DLEU7: variants seen among roughly 807,000 people sequenced by gnomAD.
DLEU7 encodes the protein leukemia-associated protein 7.
DLEU7 carries 17 observed loss-of-function variants against 16.0 expected under a neutral mutation model. The observed-to-expected ratio is 1.06, with a 90% CI of 0.73 to 1.59. The LOEUF (loss-of-function observed/expected upper bound fraction) is 1.59, where lower values mean the gene tolerates loss of function less well. DLEU7 is among the 40% of genes most tolerant of loss of function. The probability of loss-of-function intolerance (pLI) is 0.00; values close to 1 mark genes in which losing one functional copy is unlikely to be tolerated. For synonymous variants in DLEU7, 113 were observed against 139.8 expected, an observed-to-expected ratio of 0.81 and a Z score of 1.35; for missense variants, 308 against 314.9, an observed-to-expected ratio of 0.98 and a Z score of 0.17.
chr13:50,761,837 C>A (rs978313218), intron 1 of DLEU7, among the ~76,000 whole-genome samples: 3 of 152,240 alleles, frequency 2.0e-5, no homozygotes, highest in Non-Finnish European at 2.9e-5. Context: ...ACCTGTTATT[C>A]TAATAGGCAA....
intron 1 of DLEU7, among the ~76,000 whole-genome samples, chr13:50,796,049 T>C (rs1466488433): frequency 6.7e-6 from 1 of 149,542 alleles, no homozygotes; most frequent in East Asian, 2.0e-4. Flanking sequence ...CCCTTTTTTC[T>C]CAGCATACCA....
intron 1 of DLEU7, among the ~76,000 whole-genome samples, chr13:50,769,431 T>C (rs767868137): frequency 3.9e-5 from 6 of 152,346 alleles, no homozygotes; most frequent in Non-Finnish European, 8.8e-5. Flanking sequence ...GTCTAACACT[T>C]AAGTCTTTAA....
intron 1 of DLEU7, among the ~76,000 whole-genome samples, chr13:50,723,733 C>G (rs1873685407): frequency 6.6e-6 from 1 of 152,028 alleles, no homozygotes; most frequent in Non-Finnish European, 1.5e-5. Flanking sequence ...ATTTATCTCC[C>G]AAAGGCCCCA....
chr13:50,788,331 G>T (rs1006728530), intron 1 of DLEU7, among the ~76,000 whole-genome samples: 1 of 152,182 alleles, frequency 6.6e-6, no homozygotes, highest in Non-Finnish European at 1.5e-5. Context: ...GGGTGGAAAT[G>T]TGGGCACCAG....
intron 1 of DLEU7, among the ~76,000 whole-genome samples, chr13:50,742,893 G>A (rs1428019787): frequency 6.6e-6 from 1 of 152,096 alleles, no homozygotes; most frequent in East Asian, 1.9e-4. Flanking sequence ...CCTATATAGA[G>A]TATAAAAAAC....
At chr13:50,711,772 C>CCGGGGAGG, downstream of DLEU7, 1 of 72,928 alleles carries the variant, frequency 1.4e-5, no homozygotes, top group African/African-American at 3.9e-5. Flanking sequence ...GACCCAGTGG[C>CCGGGGAGG]GGGGGCGGGG....
In DLEU7 at chr13:50,843,417, C is replaced by A; in HGVS notation, c.230G>T (p.Arg77Leu). The part of the protein sequence containing the change: ...ERGGGVGTRS[R>L]RTAARANSPE... ...GGAGTTCGCCCGCGCCGCGGTCCGCCGACTCCTGGTCCCCACGCCCCCGCC... is the reference window on the plus strand; with the variant it reads ...GGAGTTCGCCCGCGCCGCGGTCCGCAGACTCCTGGTCCCCACGCCCCCGCC... Residue 77 changes from arginine to leucine, a missense_variant, in exon 1 of 2, where the codon CGG becomes CTG. Physicochemically the swap from Arg to Leu is moderately radical, Grantham distance 102. Coordinates refer to ENST00000504404, the MANE Select transcript of DLEU7 (RefSeq NM_001306135.2). The surrounding 1 kb of genome is among the most constrained non-coding windows in gnomAD (Gnocchi z 5.7). The A allele has an allele frequency of 7.6e-7, 1 of 1,317,362 alleles. No individual in the cohort carries two copies. The highest frequency in any genetic ancestry group is 9.6e-7 in the Non-Finnish European group (1 of 1,037,882). 81.6% of individuals were successfully genotyped at this position (1,317,362 alleles called of 1,614,324 possible).
downstream of DLEU7, among the ~76,000 whole-genome samples, chr13:50,820,298 CA>C (rs201134247): frequency 1.4e-5 from 2 of 142,976 alleles, no homozygotes; most frequent in Non-Finnish European, 3.1e-5. Context: ...TTAAGAGGAG[CA>C]AAAAAAAACA....
chr13:50,788,933 G>A (rs960549909), intron 1 of DLEU7, among the ~76,000 whole-genome samples: 4 of 152,128 alleles, frequency 2.6e-5, no homozygotes, highest in Admixed American at 1.3e-4. Context: ...GGGAGCCTGG[G>A]TTATATCGAG....
chr13:50,752,123 C>T lies in DLEU7; in HGVS notation c.460-38883G>A, dbSNP rs555116050. 4.2e-4 allele frequency among the ~76,000 whole-genome samples: 63 copies of T among 148,444 alleles called. No homozygotes were observed. In the South Asian group the frequency reaches 6.8e-3, roughly 16 times the overall value. ...CTGGAGTGCAGTGGCACAATCTCGG[C>T]TCATTGCAAGCTCTGCCTCCCAGGT... On this transcript the variant is annotated intron_variant, in intron 1 of 1. Coordinates refer to the DLEU7 transcript ENST00000400393.
intron 1 of DLEU7, among the ~76,000 whole-genome samples, chr13:50,783,988 C>T (rs904456163): frequency 2.0e-5 from 3 of 152,186 alleles, no homozygotes; most frequent in Admixed American, 6.5e-5. Flanking sequence ...GGTTGCCAAC[C>T]CTTGCTCTTG....
intron 1 of DLEU7, among the ~76,000 whole-genome samples, chr13:50,718,456 T>G (rs1873498933): frequency 6.6e-6 from 1 of 152,168 alleles, no homozygotes; most frequent in East Asian, 1.9e-4. Flanking sequence ...CTCTGGTGAT[T>G]AGAATGAGGG....
intron 1 of DLEU7, among the ~76,000 whole-genome samples, chr13:50,805,932 A>G (rs2137785289): frequency 6.6e-6 from 1 of 152,346 alleles, no homozygotes; most frequent in African/African-American, 2.4e-5. Context: ...TAGTTATGGC[A>G]GAGACCATAT....
chr13:50,836,349 A>G (rs1006092448), intron 1 of DLEU7, among the ~76,000 whole-genome samples: 1 of 149,630 alleles, frequency 6.7e-6, no homozygotes, highest in Non-Finnish European at 1.5e-5. Flanking sequence ...AAAGAGAAGG[A>G]GAGGAGGAGA....
intron 1 of DLEU7, among the ~76,000 whole-genome samples, chr13:50,782,181 A>G (rs1390552139): frequency 6.6e-6 from 1 of 152,144 alleles, no homozygotes; most frequent in African/African-American, 2.4e-5. Flanking sequence ...CCTCCCTCAC[A>G]AAGGGTCTGT....
At chr13:50,774,054 G>C (rs1466538508) in intron 1 of DLEU7, among the ~76,000 whole-genome samples, 3 of 152,184 alleles carry the variant, frequency 2.0e-5, no homozygotes, top group East Asian at 3.9e-4. Context: ...AGGCTCTGTG[G>C]GCATGGAACC....
chr13:50,843,665 G>C lies in DLEU7; in HGVS notation c.-19C>G, dbSNP rs774247321. The C allele has an allele frequency of 5.3e-6, 8 of 1,497,412 alleles. No homozygotes were observed. The African/African-American group carries it at 8.7e-5, about 16-fold the overall frequency. 92.8% of individuals were successfully genotyped at this position (1,497,412 alleles called of 1,614,324 possible). A position where few individuals can be genotyped will look rare whatever the true frequency, so the allele number is the denominator to read the frequency against. ...TGGCCATCGCCTCCGCTGGCGGCCC[G>C]GCGCGCTCCGCGTGCAGGTGGAGCA... On this transcript the variant is annotated 5_prime_UTR_variant, in exon 1 of 2. Coordinates refer to ENST00000504404, the MANE Select transcript of DLEU7 (RefSeq NM_001306135.2). This position sits in a 1 kb window ranked among gnomAD's most constrained non-coding sequence, Gnocchi z 5.7.
At chr13:50,765,298 T>TA (rs1252585402) in intron 1 of DLEU7, among the ~76,000 whole-genome samples, 1 of 152,142 alleles carries the variant, frequency 6.6e-6, no homozygotes, top group Non-Finnish European at 1.5e-5. Flanking sequence ...ATGACTCAAA[T>TA]AGCACTGCAT....
At chr13:50,829,343 A>G (rs541957668) in intron 1 of DLEU7, among the ~76,000 whole-genome samples, 1 of 152,342 alleles carries the variant, frequency 6.6e-6, no homozygotes, top group African/African-American at 2.4e-5. Flanking sequence ...AAGTAATCCA[A>G]TACTAACTAC....
Sources: gnomAD v4.1 joint callset for allele counts (sites outside exome capture counted in the v4.1 genomes callset) on GRCh38, gnomAD v4.1.1 for gene constraint, Gnocchi (gnomAD v3.1) non-coding constraint, MANE v1.5 for transcripts, NCBI Gene and HGNC (gene_info 2026-07-23, HGNC 2026-07-21) for gene names.